Variants in ABLIM2 observed in about 807,000 individuals in gnomAD.
ABLIM2 encodes the protein actin-binding LIM protein 2.
ABLIM2 carries 53 observed loss-of-function variants against 97.7 expected under a neutral mutation model. The ratio of observed to expected loss-of-function variants is 0.54; its 90% CI spans 0.44 to 0.68. The LOEUF is 0.68. Ranked by LOEUF, ABLIM2 falls within the 30% of genes least tolerant of loss-of-function variation. ABLIM2 has a pLI of 0.00. For missense variants in ABLIM2, 835 were observed against 867.2 expected, an observed-to-expected ratio of 0.96 and a Z score of 0.47; for synonymous variants, 361 against 345.8, an observed-to-expected ratio of 1.04 and a Z score of -0.49.
chr4:8,045,563 C>T (rs554128538), intron 8 of ABLIM2, among the ~76,000 whole-genome samples: 10 of 152,266 alleles, frequency 6.6e-5, no homozygotes, highest in South Asian at 2.1e-4. Context: ...GCAGGAGAAT[C>T]GCTTAAACCT....
At chr4:8,070,150 C>T (rs538035238) in intron 6 of ABLIM2, among the ~76,000 whole-genome samples, 21 of 150,436 alleles carry the variant, frequency 1.4e-4, no homozygotes, top group Non-Finnish European at 2.2e-4. Context: ...TGTGTGTGTA[C>T]GTCTGTGTGT....
chr4:8,054,572 C>T lies in ABLIM2; in HGVS notation c.764-326G>A, dbSNP rs1797894973. The stretch of plus-strand genomic sequence containing the variant: ...CCTGGGGGGCAGCTGGAAGATTCTT[C>T]TCTGAGGAGGGGGTATTTGAAGGGG... On this transcript the variant is annotated intron_variant, in intron 7 of 20. Transcript: ENST00000447017. The surrounding 1 kb of genome is among the most constrained non-coding windows in gnomAD (Gnocchi z 4.9). Among the ~76,000 whole-genome samples the T allele has an allele frequency of 6.6e-6, 1 of 152,234 alleles. No homozygotes were observed. The highest frequency in any genetic ancestry group is 2.4e-5 in the African/African-American group (1 of 41,464).
At chr4:7,969,312 G>C (rs1245212678) in intron 20 of ABLIM2, among the ~76,000 whole-genome samples, 2 of 151,956 alleles carry the variant, frequency 1.3e-5, no homozygotes, top group Middle Eastern at 3.4e-3. Context: ...AAATTAGCTG[G>C]GTGCGCTGGC....
chr4:8,105,917 G>A (rs904215271), intron 2 of ABLIM2, among the ~76,000 whole-genome samples: 4 of 152,064 alleles, frequency 2.6e-5, no homozygotes, highest in East Asian at 1.9e-4. Context: ...GGCCGGGCCC[G>A]GTTGGTGGGG....
rs1020867238 is a variant in ABLIM2 at position 8,072,470 on chromosome 4, G to A, written c.675+5158C>T. On this transcript the variant is annotated intron_variant, in intron 6 of 20. Transcript: ENST00000447017. This position sits in a 1 kb window ranked among gnomAD's most constrained non-coding sequence, Gnocchi z 5.8. ...CTGCCCATGGGTGTCAGAAACGCGG[G>A]GCAGGTGAGGCTCCTGCACCAGCAG... Among the ~76,000 whole-genome samples the A allele has an allele frequency of 2.6e-5, 4 of 152,216 alleles. No homozygotes were observed. The highest frequency in any genetic ancestry group is 9.6e-5 in the African/African-American group (4 of 41,456).
chr4:8,007,979 G>T, intron 16 of ABLIM2, 80 bp downstream of exon 16: 3 of 1,579,050 alleles, frequency 1.9e-6, no homozygotes, highest in East Asian at 2.3e-5. Context: ...GATGTAGGGG[G>T]ATAGCTCTGA....
At position 8,015,454 on chromosome 4, in the gene ABLIM2, C is replaced by T. The variant is rs1004295600; in HGVS notation, c.1423+4164G>A. Among the ~76,000 whole-genome samples the T allele has an allele frequency of 2.0e-5, 3 of 152,102 alleles. No homozygotes were observed. Among genetic ancestry groups the T allele is most frequent in the Non-Finnish European group, 4.4e-5 (3 of 68,024 alleles). ...CACAGCCTGCCGTTCCTCCCCATCC[C>T]GCCGGTCCCCAAACCAAAATGAGAC... On this transcript the variant is annotated intron_variant, in intron 14 of 20. Coordinates refer to ENST00000447017, the MANE Select transcript of ABLIM2 (RefSeq NM_001130083.2). The surrounding 1 kb of genome is among the most constrained non-coding windows in gnomAD (Gnocchi z 4.6).
At chr4:8,089,508 G>A (rs1254209944) in intron 3 of ABLIM2, among the ~76,000 whole-genome samples, 1 of 152,132 alleles carries the variant, frequency 6.6e-6, no homozygotes, top group Non-Finnish European at 1.5e-5. Flanking sequence ...GCTGAGGTGG[G>A]AGGATCACTT....
chr4:8,070,523 G>A (rs138154608), intron 6 of ABLIM2, among the ~76,000 whole-genome samples: 74 of 152,262 alleles, frequency 4.9e-4, no homozygotes, highest in Non-Finnish European at 8.1e-4. Flanking sequence ...TTCTCCCAGT[G>A]ACGAGAGTCA....
chr4:8,089,225 CT>C, intron 3 of ABLIM2, among the ~76,000 whole-genome samples: 1 of 152,280 alleles, frequency 6.6e-6, no homozygotes, highest in East Asian at 1.9e-4. Flanking sequence ...TGAGGGATGG[CT>C]CAAGTAGCTG....
At chr4:8,102,083 C>G (rs943611260) in intron 2 of ABLIM2, among the ~76,000 whole-genome samples, 1 of 152,222 alleles carries the variant, frequency 6.6e-6, no homozygotes, top group African/African-American at 2.4e-5. Context: ...AAGGATGGAG[C>G]AGGACCCTCC....
In ABLIM2 at chr4:8,132,608, C is replaced by T. The variant is rs576760506; in HGVS notation, c.11-25971G>A. On this transcript the variant is annotated intron_variant, in intron 1 of 20. Transcript: ENST00000447017. This position sits in a 1 kb window ranked among gnomAD's most constrained non-coding sequence, Gnocchi z 8.0. ...GGAAGGCCTGCTCACTGCCACCCTC[C>T]CTCACCGCCACTCCTGCTCCCCAGC... Among the ~76,000 whole-genome samples, 1 of 152,262 alleles carries T rather than the reference C, an allele frequency of 6.6e-6. No homozygotes were observed. Among genetic ancestry groups the T allele is most frequent in the Admixed American group, 6.5e-5 (1 of 15,294 alleles).
At chr4:8,129,393 C>T (rs1201014050) in intron 1 of ABLIM2, among the ~76,000 whole-genome samples, 1 of 152,202 alleles carries the variant, frequency 6.6e-6, no homozygotes, top group Non-Finnish European at 1.5e-5. Context: ...CCCCTGCGCG[C>T]CCGAAACACG....
chr4:8,158,677 C>T lies in ABLIM2; in HGVS notation c.10+3G>A, dbSNP rs1195173395. 1 of 1,490,352 alleles carries T rather than the reference C, an allele frequency of 6.7e-7. No homozygotes were observed. The highest frequency in any genetic ancestry group is 8.9e-7 in the Non-Finnish European group (1 of 1,124,806). The allele number at this position is 1,490,352 out of a possible 1,614,324, so 92.3% of individuals were successfully genotyped here. On this transcript the variant is annotated splice_donor_region_variant and intron_variant, in intron 1 of 20. Transcript: ENST00000447017. ...CGTTGGTCCCTCGGTCCCCAGCACC[C>T]ACCTGCACTCATCTCAGCAGCCGCT...
At position 8,148,420 on chromosome 4, in the gene ABLIM2, G is replaced by C. The variant is rs1286908536; in HGVS notation, c.10+10260C>G. ...GGTGAGGGAGCCGCTCAGGACGCGG[G>C]GGGGCCATGGCGCACCACAGTTAGG... is the stretch of plus-strand genomic sequence containing the variant. On this transcript the variant is annotated intron_variant, in intron 1 of 20. Coordinates refer to ENST00000447017, the MANE Select transcript of ABLIM2 (RefSeq NM_001130083.2). The surrounding 1 kb of genome is among the most constrained non-coding windows in gnomAD (Gnocchi z 6.7). Among the ~76,000 whole-genome samples the C allele has an allele frequency of 1.3e-5, 2 of 152,286 alleles. No individual in the cohort carries two copies. The highest frequency in any genetic ancestry group is 1.9e-4 in the East Asian group (1 of 5,166).
rs1812571077 is a variant in ABLIM2, at chr4:8,072,039, T to C, written c.675+5589A>G. ...GTTCCCACCTTGCACCCGGGGAGGA[T>C]GCTCAGAGCTGTGCAGAGCCCGCCG... On this transcript the variant is annotated intron_variant, in intron 6 of 20. Transcript: ENST00000447017. The surrounding 1 kb of genome is among the most constrained non-coding windows in gnomAD (Gnocchi z 5.8). 7.1e-6 allele frequency: 7 copies of C among 985,380 alleles called. No individual in the cohort carries two copies. Among genetic ancestry groups the C allele is most frequent in the Non-Finnish European group, 7.2e-6 (6 of 829,916 alleles). 61.0% of individuals were successfully genotyped at this position (985,380 alleles called of 1,614,324 possible).
chr4:7,992,891 T>C lies in ABLIM2; in HGVS notation c.1655A>G (p.His552Arg). The change falls in exon 17 of 21, where the codon CAT (histidine) becomes CGT (arginine). Residue 552 changes from histidine (H) to arginine (R), a missense_variant. Transcript: ENST00000447017. This position sits in a 1 kb window ranked among gnomAD's most constrained non-coding sequence, Gnocchi z 5.7. Reference protein sequence around the residue: ...PYSKSDPLPGHGKNGLDQRNA... With the variant: ...PYSKSDPLPGRGKNGLDQRNA... The stretch of plus-strand genomic sequence containing the variant: ...CCGCTGGTCCAAGCCATTCTTTCCA[T>C]GTCCTGGGAGAGGGTCAGATTTGGA... 2 of 1,613,190 alleles carry C rather than the reference T, an allele frequency of 1.2e-6. No homozygotes were observed. The highest frequency in any genetic ancestry group is 1.1e-5 in the South Asian group (1 of 90,834).
chr4:8,116,549 A>C lies in ABLIM2; in HGVS notation c.11-9912T>G, dbSNP rs563071526. On this transcript the variant is annotated intron_variant, in intron 1 of 20. Transcript: ENST00000447017. ...GCATTTGCACACCATGATTGTCTGCAGACAAATGGCTCCATCTATGTTGCA... is the reference window on the plus strand; with the variant it reads ...GCATTTGCACACCATGATTGTCTGCCGACAAATGGCTCCATCTATGTTGCA... 4.3e-4 allele frequency among the ~76,000 whole-genome samples: 66 copies of C among 152,356 alleles called. No homozygotes were observed. In the South Asian group the frequency reaches 0.013, roughly 30 times the overall value.
intron 3 of ABLIM2, 111 bp downstream of exon 3, chr4:8,096,988 T>G: frequency 1.5e-6 from 2 of 1,319,898 alleles, no homozygotes; most frequent in South Asian, 1.5e-5. Context: ...CGCTGCAGGA[T>G]GCAGAGGGCG....
Sources: allele counts gnomAD v4.1 joint callset (sites outside exome capture counted in the v4.1 genomes callset), GRCh38; gene constraint gnomAD v4.1.1; non-coding constraint Gnocchi (gnomAD v3.1); transcripts MANE v1.5; gene names NCBI Gene and HGNC (gene_info 2026-07-23, HGNC 2026-07-21).